The following GHR variants were observed in gnomAD, a reference collection of about 807,000 sequenced individuals.
GHR encodes growth hormone receptor.
GHR carries 35 observed loss-of-function variants against 67.1 expected under a neutral mutation model. The ratio of observed to expected loss-of-function variants is 0.52; its 90% CI spans 0.40 to 0.69. GHR has a LOEUF of 0.69. Ranked by LOEUF, GHR falls within the 30% of genes least tolerant of loss-of-function variation. The probability of loss-of-function intolerance (pLI) is 0.00; values close to 1 mark genes in which losing one functional copy is unlikely to be tolerated. For synonymous variants in GHR, 272 were observed against 269.1 expected (o/e 1.01, Z -0.10); for missense variants, 792 against 764.6 (o/e 1.04, Z -0.42).
intron 1 of GHR, among the ~76,000 whole-genome samples, chr5:42,481,297 C>G (rs1175252366): frequency 1.3e-5 from 2 of 152,134 alleles, no homozygotes; most frequent in African/African-American, 2.4e-5. Flanking sequence ...GTAACCTGAC[C>G]TTTCTCTCTG....
chr5:42,514,009 G>T, intron 1 of GHR: 1 of 566,566 alleles, frequency 1.8e-6, no homozygotes, highest in South Asian at 7.6e-5. Context: ...TTGAAAAAAT[G>T]ATTTTATTAC....
At chr5:42,660,716 A>G (rs979915981) in intron 3 of GHR, among the ~76,000 whole-genome samples, 4 of 152,364 alleles carry the variant, frequency 2.6e-5, no homozygotes, top group African/African-American at 9.6e-5. Flanking sequence ...CTCCTCCTCC[A>G]AAGGAACGCA....
chr5:42,595,206 C>T (rs1337063090), intron 2 of GHR, among the ~76,000 whole-genome samples: 1 of 152,158 alleles, frequency 6.6e-6, no homozygotes, highest in Non-Finnish European at 1.5e-5. Flanking sequence ...CTGATTTACA[C>T]TTTATAAGAA....
chr5:42,494,441 C>A (rs547769661), intron 1 of GHR, among the ~76,000 whole-genome samples: 1 of 152,044 alleles, frequency 6.6e-6, no homozygotes, highest in South Asian at 2.1e-4. Flanking sequence ...TGTCTCCTTG[C>A]GTCCTCTTCT....
intron 1 of GHR, among the ~76,000 whole-genome samples, chr5:42,522,511 A>C (rs1747520856): frequency 6.6e-6 from 1 of 152,200 alleles, no homozygotes; most frequent in South Asian, 2.1e-4. Context: ...TTTAGCAGTG[A>C]AACTGATATA....
chr5:42,480,777 G>T (rs1029115012), intron 1 of GHR, among the ~76,000 whole-genome samples: 47 of 152,162 alleles, frequency 3.1e-4, no homozygotes, highest in African/African-American at 9.2e-4. Context: ...GAGCCTATGT[G>T]TGTCTCTGCA....
chr5:42,636,946 C>T (rs1291806253), intron 3 of GHR, among the ~76,000 whole-genome samples: 1 of 152,102 alleles, frequency 6.6e-6, no homozygotes, highest in African/African-American at 2.4e-5. Flanking sequence ...AAATGTTACA[C>T]AACTTTCAAA....
intron 1 of GHR, among the ~76,000 whole-genome samples, chr5:42,532,383 A>G (rs574212990): frequency 4.1e-5 from 6 of 147,936 alleles, no homozygotes; most frequent in Middle Eastern, 3.4e-3. Context: ...GATGAAATAT[A>G]TTTTAGCATA....
At chr5:42,538,069 C>A (rs1026757763) in intron 1 of GHR, among the ~76,000 whole-genome samples, 4 of 152,146 alleles carry the variant, frequency 2.6e-5, no homozygotes, top group African/African-American at 9.7e-5. Flanking sequence ...AGGTGAGTCT[C>A]CTGAAGGCAG....
chr5:42,556,092 TA>T (rs1326553275), intron 1 of GHR, among the ~76,000 whole-genome samples: 1 of 152,144 alleles, frequency 6.6e-6, no homozygotes, highest in Non-Finnish European at 1.5e-5. Context: ...CTTCAAAGAA[TA>T]ACTTTACCAT....
intron 5 of GHR, among the ~76,000 whole-genome samples, chr5:42,697,705 A>G (rs1202548063): frequency 6.6e-6 from 1 of 152,190 alleles, no homozygotes; most frequent in Non-Finnish European, 1.5e-5. Flanking sequence ...CCATTGCCAA[A>G]GACTTTGGCT....
intron 1 of GHR, among the ~76,000 whole-genome samples, chr5:42,492,133 C>A (rs1019386554): frequency 3.3e-5 from 5 of 152,088 alleles, no homozygotes; most frequent in African/African-American, 1.2e-4. Flanking sequence ...AATGGTATTA[C>A]TTTTATGTCT....
chr5:42,541,631 CA>C (rs1457280318), intron 1 of GHR, among the ~76,000 whole-genome samples: 1 of 151,720 alleles, frequency 6.6e-6, no homozygotes, highest in Non-Finnish European at 1.5e-5. Flanking sequence ...TAAGGAGATT[CA>C]AAAGCAAAAG....
rs111578120 is a variant in GHR at position 42,467,587 on chromosome 5, G to C, written c.-12+43632G>C. The C allele has an allele frequency of 3.1e-6, 5 of 1,589,780 alleles. No individual in the cohort carries two copies. The African/African-American group carries it at 5.4e-5, about 17-fold the overall frequency. On this transcript the variant is annotated intron_variant, in intron 1 of 9. Transcript: ENST00000230882. ...TAAGGAGAGGTTTTTTTGATATACAGTCAGATTTGAACTCTGATTGAAGGC... is the reference window on the plus strand; with the variant it reads ...TAAGGAGAGGTTTTTTTGATATACACTCAGATTTGAACTCTGATTGAAGGC...
chr5:42,600,283 G>A (rs1375280514), intron 2 of GHR, among the ~76,000 whole-genome samples: 2 of 152,224 alleles, frequency 1.3e-5, no homozygotes, highest in Non-Finnish European at 1.5e-5. Context: ...GATGCCACTA[G>A]GATCAATATC....
intron 1 of GHR, among the ~76,000 whole-genome samples, chr5:42,439,386 C>T (rs1743470330): frequency 6.6e-6 from 1 of 152,236 alleles, no homozygotes; most frequent in East Asian, 1.9e-4. Flanking sequence ...TAACCTCTTC[C>T]CTAATGATTT....
intron 6 of GHR, among the ~76,000 whole-genome samples, chr5:42,705,381 A>G (rs976554178): frequency 3.3e-5 from 5 of 151,904 alleles, no homozygotes; most frequent in Middle Eastern, 3.2e-3. Flanking sequence ...TTGTCTCAAG[A>G]TATTTTTGAT....
At chr5:42,543,977 T>C (rs972905733) in intron 1 of GHR, among the ~76,000 whole-genome samples, 1 of 152,126 alleles carries the variant, frequency 6.6e-6, no homozygotes, top group Non-Finnish European at 1.5e-5. Flanking sequence ...AGTACAACTT[T>C]GCACTGCCAC....
intron 3 of GHR, among the ~76,000 whole-genome samples, chr5:42,663,539 C>G (rs550980292): frequency 2.0e-5 from 3 of 150,746 alleles, no homozygotes; most frequent in Non-Finnish European, 2.9e-5. Context: ...TGACAAAATT[C>G]AACAACACTT....
Sources: gnomAD v4.1 joint callset for allele counts (sites outside exome capture counted in the v4.1 genomes callset) on GRCh38, gnomAD v4.1.1 for gene constraint, MANE v1.5 for transcripts, NCBI Gene and HGNC (gene_info 2026-07-23, HGNC 2026-07-21) for gene names.